RTTN: variants seen among roughly 807,000 people sequenced by gnomAD.
RTTN encodes the protein rotatin.
In RTTN, 182 loss-of-function variants were observed where a neutral mutation model predicts 269.2. The observed-to-expected ratio is 0.68, with a 90% confidence interval of 0.60 to 0.76. The LOEUF is 0.76. Ranked by LOEUF, RTTN falls within the 30% of genes least tolerant of loss-of-function variation. The pLI is 0.00. For missense variants in RTTN, 2,545 were observed against 2,608.6 expected (o/e 0.98, Z 0.53); for synonymous variants, 1,006 against 963.5 (o/e 1.04, Z -0.82).
At chr18:70,186,080 C>T (rs75572601) in intron 10 of RTTN, among the ~76,000 whole-genome samples, 3,074 of 112,556 alleles carry the variant, frequency 0.027, 45 homozygotes, top group Middle Eastern at 0.056. Flanking sequence ...CTCTCCCCCC[C>T]AAAAAAAAAA....
At chr18:70,083,678 C>T (rs1384557974) in intron 32 of RTTN, among the ~76,000 whole-genome samples, 2 of 151,604 alleles carry the variant, frequency 1.3e-5, no homozygotes, top group Non-Finnish European at 2.9e-5. Flanking sequence ...GATTTAAGGC[C>T]CATTACAAGG....
At chr18:70,084,652 A>T (rs1162061074) in intron 32 of RTTN, among the ~76,000 whole-genome samples, 1 of 151,878 alleles carries the variant, frequency 6.6e-6, no homozygotes, top group African/African-American at 2.4e-5. Context: ...AAAAGAGAGG[A>T]AGAAAATCTG....
rs555908624 is a variant in RTTN, at chr18:70,140,086, C to A, written c.2670+14G>T. The A allele has an allele frequency of 1.3e-6, 2 of 1,506,706 alleles. No homozygotes were observed. Among genetic ancestry groups the A allele is most frequent in the East Asian group, 2.3e-5 (1 of 44,102 alleles). 93.3% of individuals were successfully genotyped at this position (1,506,706 alleles called of 1,614,324 possible). A position where few individuals can be genotyped will look rare whatever the true frequency, so the allele number is the denominator to read the frequency against. The stretch of plus-strand genomic sequence containing the variant: ...CAGCCTGTAAAACAATGTCTAGATG[C>A]ACATTAGCCTTACCTTGCCATCTTG... On this transcript the variant is annotated intron_variant, in intron 20 of 48. Transcript: ENST00000640769.
At chr18:70,186,613 T>G (rs1362023756) in intron 10 of RTTN, among the ~76,000 whole-genome samples, 1 of 152,172 alleles carries the variant, frequency 6.6e-6, no homozygotes, top group Non-Finnish European at 1.5e-5. Flanking sequence ...AGACATGGAA[T>G]CAACCTAAAT....
intron 40 of RTTN, among the ~76,000 whole-genome samples, chr18:70,035,350 A>G (rs1960819): frequency 0.78 from 118,593 of 152,210 alleles, 52,310 homozygotes; most frequent in East Asian, 1. Context: ...TGGTAATGGT[A>G]TAAAAAATAA....
chr18:70,024,973 T>TCCTG, intron 43 of RTTN, 125 bp from the exon 44 acceptor site: 3 of 1,081,114 alleles, frequency 2.8e-6, no homozygotes, highest in Non-Finnish European at 3.9e-6. Context: ...GGCTTCAGCA[T>TCCTG]CCTGCCCCAG....
At chr18:70,074,272 T>C (rs1487149608) in intron 33 of RTTN, among the ~76,000 whole-genome samples, 1 of 152,044 alleles carries the variant, frequency 6.6e-6, no homozygotes, top group Non-Finnish European at 1.5e-5. Flanking sequence ...GCCCTGAGTG[T>C]TCACTTCTAA....
chr18:70,004,232 G>A lies in RTTN; in HGVS notation c.6600C>T (p.Phe2200=), dbSNP rs1249394053. 3 of 1,611,430 alleles carry A rather than the reference G, an allele frequency of 1.9e-6. No homozygotes were observed. Among genetic ancestry groups the A allele is most frequent in the Non-Finnish European group, 1.7e-6 (2 of 1,177,728 alleles). Residue 2200 remains phenylalanine (F), a synonymous_variant, in exon 49 of 49, where the codon TTC becomes TTT. Coordinates refer to ENST00000640769, the MANE Select transcript of RTTN (RefSeq NM_173630.4). ...TTAGAGGGTTTGCTTCTGAGTTTGG[G>A]AAAGCTGAGATAGAAAAATAAGAGT... is the stretch of plus-strand genomic sequence containing the variant. The part of the protein sequence containing the change: ...DEAYSLAKKT[F]PNSEANPLNA...
At chr18:70,026,167 C>T (rs2056846964) in intron 43 of RTTN, among the ~76,000 whole-genome samples, 1 of 152,164 alleles carries the variant, frequency 6.6e-6, no homozygotes, top group Admixed American at 6.5e-5. Flanking sequence ...GCCGCTTCTA[C>T]TTTTGTGGTT....
chr18:70,104,170 G>T (rs185317473), intron 28 of RTTN, among the ~76,000 whole-genome samples: 1 of 152,286 alleles, frequency 6.6e-6, no homozygotes, highest in Admixed American at 6.5e-5. Context: ...CGTATTTCTT[G>T]GAGGCTTTGT....
Position 70,139,176 on chromosome 18 carries a change from G to A in RTTN, c.2788+423C>T, listed in dbSNP as rs548514183. On this transcript the variant is annotated intron_variant, in intron 21 of 48. Transcript: ENST00000640769. ...GGTCTAGTTTCTACTCACACAGGTT[G>A]AGCCTATACTCTTAACACCTGTCAA... 5.1e-4 allele frequency among the ~76,000 whole-genome samples: 77 copies of A among 152,234 alleles called. 1 individual carries two copies. The highest frequency in any genetic ancestry group is 1.8e-3 in the African/African-American group (75 of 41,542).
At chr18:70,086,712 A>G in intron 31 of RTTN, 28 bp from the exon 32 acceptor site, 2 of 1,125,982 alleles carry the variant, frequency 1.8e-6, no homozygotes, top group Non-Finnish European at 2.4e-6. Flanking sequence ...AAAAAAAAAA[A>G]AAAAAAAAAA....
intron 32 of RTTN, among the ~76,000 whole-genome samples, chr18:70,085,336 G>T (rs188746400): frequency 1.3e-5 from 2 of 152,172 alleles, no homozygotes; most frequent in South Asian, 2.1e-4. Flanking sequence ...TGACTGGTAG[G>T]GTTACCCTGG....
chr18:70,163,306 C>T (rs1156943733), intron 14 of RTTN, among the ~76,000 whole-genome samples: 5 of 151,352 alleles, frequency 3.3e-5, no homozygotes, highest in Middle Eastern at 6.8e-3. Flanking sequence ...CACTTGAACC[C>T]GGGAGGCAGA....
At chr18:70,190,484 A>C in intron 9 of RTTN, 54 bp downstream of exon 9, 1 of 1,403,552 alleles carries the variant, frequency 7.1e-7, no homozygotes, top group Non-Finnish European at 9.9e-7. Flanking sequence ...AATCCTAACG[A>C]AATACAAAAC....
intron 28 of RTTN, among the ~76,000 whole-genome samples, chr18:70,107,515 T>C (rs976217330): frequency 3.9e-5 from 6 of 152,194 alleles, no homozygotes; most frequent in Admixed American, 3.3e-4. Context: ...GTAGAAATAT[T>C]TTGACCTAAA....
At chr18:70,182,014 T>C (rs1465698990) in intron 10 of RTTN, among the ~76,000 whole-genome samples, 1 of 152,130 alleles carries the variant, frequency 6.6e-6, no homozygotes, top group Non-Finnish European at 1.5e-5. Context: ...TTTAAGTTAA[T>C]TTAAGAAACA....
chr18:70,029,761 T>C (rs889084008), intron 42 of RTTN, among the ~76,000 whole-genome samples: 6 of 152,218 alleles, frequency 3.9e-5, no homozygotes, highest in Admixed American at 2.6e-4. Flanking sequence ...CATAGTATCA[T>C]GTATATGTGG....
intron 14 of RTTN, among the ~76,000 whole-genome samples, chr18:70,156,499 A>G (rs1322416724): frequency 6.6e-6 from 1 of 152,096 alleles, no homozygotes; most frequent in Non-Finnish European, 1.5e-5. Flanking sequence ...CGGTCCTATG[A>G]TCTCGCCCTG....
Sources: gnomAD v4.1 joint callset for allele counts (sites outside exome capture counted in the v4.1 genomes callset) on GRCh38, gnomAD v4.1.1 for gene constraint, MANE v1.5 for transcripts, NCBI Gene and HGNC (gene_info 2026-07-23, HGNC 2026-07-21) for gene names.